GRM8: variants seen among roughly 807,000 people sequenced by gnomAD.
GRM8 encodes the protein metabotropic glutamate receptor 8.
In GRM8, 47 loss-of-function variants were observed where a neutral mutation model predicts 87.2. That is an observed-to-expected ratio of 0.54 (90% CI 0.43 to 0.69). The LOEUF (loss-of-function observed/expected upper bound fraction) is 0.69. GRM8 is among the 30% of genes least tolerant of loss of function. GRM8 has a pLI of 0.00. For synonymous variants in GRM8, 396 were observed against 404.5 expected, an observed-to-expected ratio of 0.98 and a Z score of 0.25; for missense variants, 1,019 against 1,139.2, an observed-to-expected ratio of 0.89 and a Z score of 1.52.
intron 8 of GRM8, among the ~76,000 whole-genome samples, chr7:126,606,297 A>G (rs755452907): frequency 1.3e-5 from 2 of 152,158 alleles, no homozygotes; most frequent in Non-Finnish European, 2.9e-5. Flanking sequence ...CAGGTGTCTC[A>G]CTGACCACAT....
intron 2 of GRM8, among the ~76,000 whole-genome samples, chr7:127,130,214 T>G (rs1827606794): frequency 6.6e-6 from 1 of 152,192 alleles, no homozygotes; most frequent in African/African-American, 2.4e-5. Flanking sequence ...TTACCCAGTC[T>G]CAGGTAGTAT....
intron 9 of GRM8, among the ~76,000 whole-genome samples, chr7:126,466,582 AG>A (rs147168478): frequency 8.0e-4 from 122 of 152,034 alleles, no homozygotes; most frequent in African/African-American, 2.9e-3. Flanking sequence ...CAGAAAAGCC[AG>A]GGGCATAATT....
At chr7:126,499,278 A>T (rs1318943277) in intron 9 of GRM8, among the ~76,000 whole-genome samples, 6 of 151,756 alleles carry the variant, frequency 4.0e-5, no homozygotes, top group African/African-American at 1.5e-4. Flanking sequence ...TCTACCTGTT[A>T]GATTAGCTAT....
chr7:126,526,260 G>T (rs1359187195), intron 9 of GRM8, among the ~76,000 whole-genome samples: 1 of 152,170 alleles, frequency 6.6e-6, no homozygotes, highest in Non-Finnish European at 1.5e-5. Flanking sequence ...GTATAGAAAA[G>T]ATTAGGTTTG....
At chr7:126,764,066 T>C (rs1817923559) in intron 7 of GRM8, among the ~76,000 whole-genome samples, 1 of 151,936 alleles carries the variant, frequency 6.6e-6, no homozygotes, top group African/African-American at 2.4e-5. Context: ...AATGTTCTAA[T>C]ATTAATGTTA....
intron 5 of GRM8, among the ~76,000 whole-genome samples, chr7:126,903,097 A>T (rs987419982): frequency 3.8e-4 from 58 of 152,232 alleles, no homozygotes; most frequent in East Asian, 1.9e-4. Context: ...CTGTGTTTCC[A>T]CATACTTCAA....
intron 8 of GRM8, among the ~76,000 whole-genome samples, chr7:126,589,953 A>G (rs1309870784): frequency 6.6e-6 from 1 of 152,120 alleles, no homozygotes; most frequent in Non-Finnish European, 1.5e-5. Context: ...CACTTCTGGT[A>G]ATGACAAAAC....
At chr7:126,590,637 C>A (rs1416141619) in intron 8 of GRM8, among the ~76,000 whole-genome samples, 1 of 152,104 alleles carries the variant, frequency 6.6e-6, no homozygotes, top group Admixed American at 6.6e-5. Flanking sequence ...TGCCATGTAA[C>A]CTGTAAAGGA....
intron 7 of GRM8, among the ~76,000 whole-genome samples, chr7:126,732,040 T>C (rs1813657195): frequency 2.0e-5 from 3 of 152,034 alleles, no homozygotes; most frequent in South Asian, 2.1e-4. Context: ...AGCTACCATA[T>C]TGACAATCCC....
In GRM8 at chr7:127,243,039, C is replaced by T. The variant is rs540378963; in HGVS notation, c.166G>A (p.Ala56Thr). Residue 56 changes from alanine (A) to threonine (T), a missense_variant, in exon 2 of 11, where the codon GCA becomes ACA. Coordinates refer to ENST00000339582, the MANE Select transcript of GRM8 (RefSeq NM_000845.3). ...IILGGLFPVHAKGERGVPCGE... is the reference protein window; with the variant it reads ...IILGGLFPVHTKGERGVPCGE... ...CAAGGCACCCCTCTCTCTCCCTTTGCGTGGACAGGGAAGAGACCCCCCAAA... is the reference window on the plus strand; with the variant it reads ...CAAGGCACCCCTCTCTCTCCCTTTGTGTGGACAGGGAAGAGACCCCCCAAA... The T allele has an allele frequency of 3.9e-5, 63 of 1,613,940 alleles. No homozygotes were observed. The African/African-American group carries it at 4.8e-4, about 12-fold the overall frequency.
At chr7:126,592,739 T>C (rs1377423201) in intron 8 of GRM8, among the ~76,000 whole-genome samples, 6 of 151,904 alleles carry the variant, frequency 3.9e-5, no homozygotes, top group Admixed American at 6.6e-5. Flanking sequence ...CTCTAAGATC[T>C]AGAAGAAGAC....
intron 7 of GRM8, among the ~76,000 whole-genome samples, chr7:126,728,282 T>A (rs938597736): frequency 1.3e-5 from 2 of 152,170 alleles, no homozygotes; most frequent in Admixed American, 1.3e-4. Flanking sequence ...ACAAAGCTCC[T>A]CCTGTCTGTG....
At chr7:126,520,013 G>A (rs890494986) in intron 9 of GRM8, among the ~76,000 whole-genome samples, 1 of 151,858 alleles carries the variant, frequency 6.6e-6, no homozygotes, top group East Asian at 1.9e-4. Flanking sequence ...ACATAGAAAG[G>A]AGGAAATAAA....
At chr7:127,051,738 G>GAAAAAAAAAAAAAAAAAAAAAAAAAAA (rs1563454593) in intron 3 of GRM8, among the ~76,000 whole-genome samples, 2 of 13,050 alleles carry the variant, frequency 1.5e-4, no homozygotes, top group African/African-American at 1.9e-4. Flanking sequence ...ATAATGTTGA[G>GAAAAAAAAAAAAAAAAAAAAAAAAAAA]CAAAAAAAAA....
intron 2 of GRM8, among the ~76,000 whole-genome samples, chr7:127,126,101 T>C (rs916921314): frequency 2.6e-5 from 4 of 152,012 alleles, no homozygotes; most frequent in Non-Finnish European, 5.9e-5. Flanking sequence ...GAACTATCAT[T>C]TGATCCAACA....
At chr7:126,558,614 T>C (rs1280550563) in intron 8 of GRM8, among the ~76,000 whole-genome samples, 2 of 152,182 alleles carry the variant, frequency 1.3e-5, no homozygotes, top group Non-Finnish European at 2.9e-5. Flanking sequence ...CAATGCCTCA[T>C]ACAATGTAAA....
intron 3 of GRM8, among the ~76,000 whole-genome samples, chr7:127,046,183 A>G (rs1490407799): frequency 6.6e-6 from 1 of 152,124 alleles, no homozygotes; most frequent in Non-Finnish European, 1.5e-5. Flanking sequence ...CATCCTGGCT[A>G]ACACGGTGAA....
chr7:126,974,960 A>AAAC (rs1810830562), intron 3 of GRM8, among the ~76,000 whole-genome samples: 5 of 150,494 alleles, frequency 3.3e-5, no homozygotes, highest in African/African-American at 1.2e-4. Context: ...AAAAAAAAAA[A>AAAC]AAAAAAAACC....
chr7:127,042,724 C>T (rs1217865937), intron 3 of GRM8, among the ~76,000 whole-genome samples: 3 of 152,298 alleles, frequency 2.0e-5, no homozygotes, highest in Non-Finnish European at 4.4e-5. Context: ...ATGTCTAAAA[C>T]ACCAAAAGCA....
Sources: allele counts gnomAD v4.1 joint callset (sites outside exome capture counted in the v4.1 genomes callset), GRCh38; gene constraint gnomAD v4.1.1; transcripts MANE v1.5; gene names NCBI Gene and HGNC (gene_info 2026-07-23, HGNC 2026-07-21).